The following ZNF592 variants were observed in gnomAD, a reference collection of about 807,000 sequenced individuals.
ZNF592 encodes spinocerebellar ataxia, autosomal recessive 5.
Under a neutral mutation model 80.3 loss-of-function variants are expected in ZNF592, and 11 were observed. That is an observed-to-expected ratio of 0.14 (90% CI 0.09 to 0.23). The LOEUF (loss-of-function observed/expected upper bound fraction) is 0.23. ZNF592 is among the 10% of genes least tolerant of loss of function. ZNF592 has a pLI of 1.00. For synonymous variants in ZNF592, 646 were observed against 640.3 expected (o/e 1.01, Z -0.13); for missense variants, 1,420 against 1,633.9 (o/e 0.87, Z 2.26).
At position 84,802,690 on chromosome 15, in the gene ZNF592, C is replaced by T; in HGVS notation, c.*297C>T. The T allele has an allele frequency of 2.1e-6, 1 of 468,028 alleles. No homozygotes were observed. Among genetic ancestry groups the T allele is most frequent in the Non-Finnish European group, 3.9e-6 (1 of 254,012 alleles). The allele number at this position is 468,028 out of a possible 1,614,324, so 29.0% of individuals were successfully genotyped here. On this transcript the variant is annotated 3_prime_UTR_variant, in exon 11 of 11. Transcript: ENST00000560079. ...CCCCAAGCTGCTTATGTGGCCCAAC[C>T]CCACTGCTGTCAACTAGGCTTGAAC...
chr15:84,783,993 G>A lies in ZNF592; in HGVS notation c.1318G>A (p.Gly440Arg). 6.2e-7 allele frequency: 1 copy of A among 1,611,626 alleles called. No homozygotes were observed. The highest frequency in any genetic ancestry group is 8.5e-7 in the Non-Finnish European group (1 of 1,178,066). Reference sequence around the variant, plus strand: ...CTTTCCTGAGGCAGGCACAAATTCAGGGAGCCCCCAGGGGGCCAGGAAAGG... The same window carrying A: ...CTTTCCTGAGGCAGGCACAAATTCAAGGAGCCCCCAGGGGGCCAGGAAAGG... ...EHFPEAGTNS[G>R]SPQGARKGDE... The change falls in exon 4 of 11, where the codon GGG (glycine) becomes AGG (arginine). Residue 440 changes from glycine to arginine, a missense_variant. Physicochemically the swap from Gly to Arg is moderately radical, Grantham distance 125. Coordinates refer to ENST00000560079, the MANE Select transcript of ZNF592 (RefSeq NM_014630.3). This position sits in a 1 kb window ranked among gnomAD's most constrained non-coding sequence, Gnocchi z 5.0.
intron 3 of ZNF592, among the ~76,000 whole-genome samples, chr15:84,778,963 T>C (rs545445012): frequency 6.6e-6 from 1 of 152,290 alleles, no homozygotes; most frequent in Non-Finnish European, 1.5e-5. Context: ...TTCTTGGTCC[T>C]CATGCCGGTT....
intron 2 of ZNF592, among the ~76,000 whole-genome samples, chr15:84,771,825 T>TA (rs1962088781): frequency 6.6e-6 from 1 of 152,096 alleles, no homozygotes; most frequent in Admixed American, 6.6e-5. Context: ...CTTGGAGTGA[T>TA]ATAGACCTAT....
intron 4 of ZNF592, among the ~76,000 whole-genome samples, chr15:84,788,707 G>A (rs915336763): frequency 3.3e-5 from 5 of 152,020 alleles, no homozygotes; most frequent in African/African-American, 7.2e-5. Context: ...CCCTGTACTC[G>A]TTTTAAAAAA....
intron 1 of ZNF592, among the ~76,000 whole-genome samples, chr15:84,760,545 G>C (rs953445087): frequency 3.3e-5 from 5 of 152,306 alleles, no homozygotes; most frequent in Non-Finnish European, 7.4e-5. Context: ...GGTGTCCACT[G>C]TGGTATCCAC....
At chr15:84,772,917 G>A (rs1180739729) in intron 2 of ZNF592, among the ~76,000 whole-genome samples, 3 of 152,000 alleles carry the variant, frequency 2.0e-5, no homozygotes, top group Admixed American at 2.0e-4. Context: ...TCCTGTTACT[G>A]AACTTTTATT....
chr15:84,787,054 T>G (rs1368420233), intron 4 of ZNF592, among the ~76,000 whole-genome samples: 2 of 151,988 alleles, frequency 1.3e-5, no homozygotes, highest in African/African-American at 4.8e-5. Context: ...TTTTGCCATG[T>G]TTGCCCAGGC....
chr15:84,775,276 G>A (rs987809368), intron 2 of ZNF592, among the ~76,000 whole-genome samples: 1 of 151,310 alleles, frequency 6.6e-6, no homozygotes, highest in Admixed American at 6.6e-5. Context: ...TTGTATTTTT[G>A]GTAGAGACAG....
At chr15:84,776,741 G>A (rs2141979376) in intron 2 of ZNF592, among the ~76,000 whole-genome samples, 1 of 152,248 alleles carries the variant, frequency 6.6e-6, no homozygotes, top group Non-Finnish European at 1.5e-5. Context: ...GGGTGACAGA[G>A]CAAGACTCTG....
At chr15:84,766,289 A>G (rs1020990693) in intron 2 of ZNF592, among the ~76,000 whole-genome samples, 5 of 152,160 alleles carry the variant, frequency 3.3e-5, no homozygotes, top group African/African-American at 1.2e-4. Flanking sequence ...TAAACATTTC[A>G]CTATGTGAAG....
intron 2 of ZNF592, among the ~76,000 whole-genome samples, chr15:84,769,343 A>G (rs768933773): frequency 5.3e-5 from 8 of 152,062 alleles, no homozygotes; most frequent in Non-Finnish European, 1.0e-4. Context: ...CTAGGTGGTG[A>G]TAAGTGCTGG....
chr15:84,758,593 TA>T (rs1307950733), intron 1 of ZNF592, among the ~76,000 whole-genome samples: 1 of 152,066 alleles, frequency 6.6e-6, no homozygotes, highest in Non-Finnish European at 1.5e-5. Context: ...CTATTATTCT[TA>T]ATTAGCATGT....
Position 84,801,969 on chromosome 15 carries a change from C to G in ZNF592, c.3380C>G (p.Ala1127Gly). The change falls in exon 11 of 11, where the codon GCG (alanine) becomes GGG (glycine). Residue 1127 changes from alanine (A) to glycine (G), a missense_variant. By Grantham distance (60) the Ala-to-Gly change is moderately conservative. Coordinates refer to ENST00000560079, the MANE Select transcript of ZNF592 (RefSeq NM_014630.3). ...TKRHKSLFQC[A>G]KCSFATDSGL... The stretch of plus-strand genomic sequence containing the variant: ...AGGCACAAGTCCCTTTTTCAGTGCG[C>G]GAAATGTAGTTTTGCCACAGACTCG... 6.2e-7 allele frequency: 1 copy of G among 1,613,982 alleles called. No individual in the cohort carries two copies. Among genetic ancestry groups the G allele is most frequent in the Non-Finnish European group, 8.5e-7 (1 of 1,179,872 alleles).
At chr15:84,767,601 C>T (rs941821009) in intron 2 of ZNF592, among the ~76,000 whole-genome samples, 6 of 152,028 alleles carry the variant, frequency 3.9e-5, no homozygotes, top group East Asian at 1.9e-4. Flanking sequence ...AAAGGGGGTA[C>T]GGGTTACAAA....
At position 84,782,738 on chromosome 15, in the gene ZNF592, C is replaced by T. The variant is rs1399754149; in HGVS notation, c.63C>T (p.Pro21=). 1.2e-6 allele frequency: 2 copies of T among 1,614,098 alleles called. No homozygotes were observed. The highest frequency in any genetic ancestry group is 1.3e-5 in the African/African-American group (1 of 75,018). ...DLLAAFDIPD[P]TSLDAKEAIQ... ...TGGCTGCCTTTGACATCCCAGACCC[C>T]ACCAGCCTTGATGCCAAGGAGGCCA... The change falls in exon 4 of 11, where the codon CCC becomes CCT. Residue 21 remains proline (P), a synonymous_variant. Coordinates refer to ENST00000560079, the MANE Select transcript of ZNF592 (RefSeq NM_014630.3).
At chr15:84,768,439 T>C (rs920212119) in intron 2 of ZNF592, among the ~76,000 whole-genome samples, 1 of 151,972 alleles carries the variant, frequency 6.6e-6, no homozygotes, top group African/African-American at 2.4e-5. Context: ...GGTTTCATCA[T>C]GTGGACCAGG....
chr15:84,790,773 A>T lies in ZNF592; in HGVS notation c.2289A>T (p.Ala763=), dbSNP rs755885732. ...CSFCAHQRIH[A]HKSPYCCPEC... is the part of the protein sequence containing the mutation. ...TCTGTGCCCACCAGCGGATTCATGC[A>T]CACAAGTCCCCCTACTGCTGCCCGG... The change falls in exon 5 of 11, where the codon GCA becomes GCT. Residue 763 remains alanine, a synonymous_variant. Coordinates refer to ENST00000560079, the MANE Select transcript of ZNF592 (RefSeq NM_014630.3). 4 of 1,614,208 alleles carry T rather than the reference A, an allele frequency of 2.5e-6. No individual in the cohort carries two copies. In the Admixed American group the frequency reaches 6.7e-5, roughly 27 times the overall value.
chr15:84,795,889 A>G (rs561586891), intron 5 of ZNF592, among the ~76,000 whole-genome samples: 62 of 152,152 alleles, frequency 4.1e-4, no homozygotes, highest in African/African-American at 1.3e-3. Flanking sequence ...CTCCCTTCCA[A>G]TACACACAAG....
At position 84,795,185 on chromosome 15, in the gene ZNF592, G is replaced by A. The variant is rs1163682929; in HGVS notation, c.2400-2684G>A. 2.6e-5 allele frequency among the ~76,000 whole-genome samples: 4 copies of A among 151,940 alleles called. No individual in the cohort carries two copies. In the East Asian group the frequency reaches 7.7e-4, roughly 29 times the overall value. ...TTCTTTATTAATAATTTGGAGAATGGCTAATGATGTCATAAGGATGCAAGT... is the reference window on the plus strand; with the variant it reads ...TTCTTTATTAATAATTTGGAGAATGACTAATGATGTCATAAGGATGCAAGT... On this transcript the variant is annotated intron_variant, in intron 5 of 10. Transcript: ENST00000560079.
Sources: allele counts gnomAD v4.1 joint callset (sites outside exome capture counted in the v4.1 genomes callset), GRCh38; gene constraint gnomAD v4.1.1; non-coding constraint Gnocchi (gnomAD v3.1); transcripts MANE v1.5; gene names NCBI Gene and HGNC (gene_info 2026-07-23, HGNC 2026-07-21).